EYS: variants seen among roughly 807,000 people sequenced by gnomAD.
The protein encoded by EYS is protein eyes shut homolog.
EYS carries 250 observed loss-of-function variants against 282.1 expected under a neutral mutation model. That is an observed-to-expected ratio of 0.89 (90% CI 0.80 to 0.98). The LOEUF is 0.98. EYS is among the 50% of genes least tolerant of loss of function. The probability of loss-of-function intolerance (pLI) is 0.00; values close to 1 mark genes in which losing one functional copy is unlikely to be tolerated. For missense variants in EYS, 4,016 were observed against 3,709.0 expected, an observed-to-expected ratio of 1.08 and a Z score of -2.15; for synonymous variants, 1,355 against 1,282.9, an observed-to-expected ratio of 1.06 and a Z score of -1.20.
intron 31 of EYS, among the ~76,000 whole-genome samples, chr6:64,150,044 A>G (rs79834816): frequency 0.028 from 4,272 of 152,322 alleles, 64 homozygotes; most frequent in Non-Finnish European, 0.045. Context: ...AATTGGAACT[A>G]TCCTGCAGTT....
chr6:64,954,766 C>T (rs910695374), intron 14 of EYS, among the ~76,000 whole-genome samples: 4 of 152,006 alleles, frequency 2.6e-5, no homozygotes, highest in Non-Finnish European at 5.9e-5. Flanking sequence ...GCAAGGGCAC[C>T]AAATTAACAA....
intron 35 of EYS, among the ~76,000 whole-genome samples, chr6:63,927,580 C>T (rs115127015): frequency 2.8e-4 from 43 of 152,278 alleles, no homozygotes; most frequent in African/African-American, 9.9e-4. Context: ...TTTGAGATGG[C>T]ACTTTTTAGA....
At chr6:64,396,815 A>G (rs1159263781) in intron 28 of EYS, among the ~76,000 whole-genome samples, 6 of 152,036 alleles carry the variant, frequency 3.9e-5, no homozygotes, top group Admixed American at 6.6e-5. Context: ...CTTAAGACTT[A>G]CTCTAAAAGT....
chr6:65,031,782 A>G (rs1424480031), intron 13 of EYS, among the ~76,000 whole-genome samples: 1 of 152,124 alleles, frequency 6.6e-6, no homozygotes, highest in East Asian at 1.9e-4. Context: ...AAGAGTTAGG[A>G]AGATATCAGA....
intron 41 of EYS, among the ~76,000 whole-genome samples, chr6:63,761,066 T>C (rs1408217575): frequency 6.7e-6 from 1 of 150,102 alleles, no homozygotes; most frequent in Admixed American, 6.7e-5. Context: ...TTTTTTTTGC[T>C]CTGCACTATA....
chr6:65,032,703 G>A (rs1469372961), intron 13 of EYS, among the ~76,000 whole-genome samples: 1 of 151,582 alleles, frequency 6.6e-6, no homozygotes, highest in African/African-American at 2.4e-5. Context: ...AAATTACCCA[G>A]TCTTGGGTTC....
At chr6:65,577,726 A>T in intron 2 of EYS, among the ~76,000 whole-genome samples, 1 of 145,460 alleles carries the variant, frequency 6.9e-6, no homozygotes, top group East Asian at 2.1e-4. Context: ...ACTCAATAAT[A>T]TTAATAATAA....
intron 5 of EYS, among the ~76,000 whole-genome samples, chr6:65,481,798 CT>C (rs1176652367): frequency 6.6e-6 from 1 of 152,078 alleles, no homozygotes; most frequent in Non-Finnish European, 1.5e-5. Flanking sequence ...TCTCGATCTC[CT>C]TACCTCATGA....
At chr6:64,424,403 G>A (rs540574738) in intron 28 of EYS, among the ~76,000 whole-genome samples, 21 of 152,124 alleles carry the variant, frequency 1.4e-4, no homozygotes, top group African/African-American at 4.8e-4. Flanking sequence ...TTTTACCCAG[G>A]TTATTGTGAG....
chr6:64,285,461 A>G (rs973496255), intron 30 of EYS, among the ~76,000 whole-genome samples: 3 of 152,162 alleles, frequency 2.0e-5, no homozygotes, highest in Non-Finnish European at 4.4e-5. Flanking sequence ...CCTTGATTTC[A>G]CTGTCCATAT....
chr6:64,685,549 A>T (rs1889498), intron 22 of EYS, among the ~76,000 whole-genome samples: 8,657 of 152,142 alleles, frequency 0.057, 315 homozygotes, highest in East Asian at 0.15. Flanking sequence ...TGGCACCTCC[A>T]GTCTCTCTCT....
intron 31 of EYS, among the ~76,000 whole-genome samples, chr6:64,187,957 G>A (rs1191925439): frequency 6.6e-6 from 1 of 151,892 alleles, no homozygotes; most frequent in African/African-American, 2.4e-5. Flanking sequence ...TCTGAAAACA[G>A]CAAGAAAATG....
intron 35 of EYS, among the ~76,000 whole-genome samples, chr6:63,960,174 T>G (rs948381296): frequency 2.0e-5 from 3 of 151,876 alleles, no homozygotes; most frequent in Non-Finnish European, 4.4e-5. Context: ...TGGGAAAAGG[T>G]CAAAATATCA....
At chr6:64,958,833 A>T (rs1769815482) in intron 14 of EYS, among the ~76,000 whole-genome samples, 1 of 151,790 alleles carries the variant, frequency 6.6e-6, no homozygotes, top group Non-Finnish European at 1.5e-5. Context: ...ATATTTCATA[A>T]ACATAATAAT....
intron 29 of EYS, among the ~76,000 whole-genome samples, chr6:64,308,085 G>GT (rs1392651021): frequency 2.0e-5 from 3 of 151,976 alleles, no homozygotes; most frequent in East Asian, 1.9e-4. Flanking sequence ...GTTTCTTGCA[G>GT]TTTTTTCTCT....
At chr6:65,686,928 T>C (rs1769039535) in intron 1 of EYS, among the ~76,000 whole-genome samples, 1 of 152,050 alleles carries the variant, frequency 6.6e-6, no homozygotes, top group African/African-American at 2.4e-5. Flanking sequence ...AGCTTTTTTT[T>C]TAATGTTATA....
chr6:63,766,048 G>A (rs938861374), intron 40 of EYS, among the ~76,000 whole-genome samples: 9 of 152,130 alleles, frequency 5.9e-5, no homozygotes, highest in South Asian at 2.1e-4. Flanking sequence ...CTCTGGTGAC[G>A]TAATTTTAAT....
intron 26 of EYS, among the ~76,000 whole-genome samples, chr6:64,556,042 A>C (rs1166338959): frequency 2.0e-5 from 3 of 152,080 alleles, no homozygotes; most frequent in Non-Finnish European, 4.4e-5. Flanking sequence ...GCTAGTGAGA[A>C]TGCAATGGTA....
In EYS at chr6:65,490,723, A is replaced by G. The variant is rs182342981; in HGVS notation, c.749-16T>C. 33 of 1,558,788 alleles carry G rather than the reference A, an allele frequency of 2.1e-5. No homozygotes were observed. In the African/African-American group the frequency reaches 3.0e-4, roughly 14 times the overall value. ...CAATTCTTTCCTATAACAATGAAAA[A>G]AAGTTTTTTTTACATTGGATATCAA... On this transcript the variant is annotated splice_polypyrimidine_tract_variant and intron_variant, in intron 4 of 42. Transcript: ENST00000503581.
Sources: allele counts gnomAD v4.1 joint callset (sites outside exome capture counted in the v4.1 genomes callset), GRCh38; gene constraint gnomAD v4.1.1; transcripts MANE v1.5; gene names NCBI Gene and HGNC (gene_info 2026-07-23, HGNC 2026-07-21).